Variants in EPB41L4A observed in about 807,000 individuals in gnomAD.
The protein encoded by EPB41L4A is erythrocyte membrane protein band 4.1 like 4A, also known as band 4.1-like protein 4A.
EPB41L4A carries 100 observed loss-of-function variants against 108.6 expected under a neutral mutation model. The ratio of observed to expected loss-of-function variants is 0.92; its 90% CI spans 0.78 to 1.09. EPB41L4A has a LOEUF of 1.09. Among genes scored for constraint, EPB41L4A ranks in the 50% least tolerant of loss-of-function variants. EPB41L4A has a pLI of 0.00. For synonymous variants in EPB41L4A, 319 were observed against 289.0 expected (o/e 1.10, Z -1.05); for missense variants, 1,030 against 842.7 (o/e 1.22, Z -2.75).
intron 1 of EPB41L4A, among the ~76,000 whole-genome samples, chr5:112,371,000 C>T (rs115967192): frequency 2.0e-5 from 3 of 152,198 alleles, no homozygotes; most frequent in East Asian, 3.9e-4. Flanking sequence ...ATGGAAATAA[C>T]CTCACTCATT....
At chr5:112,345,070 TATA>T (rs1178327921) in intron 1 of EPB41L4A, among the ~76,000 whole-genome samples, 10 of 152,200 alleles carry the variant, frequency 6.6e-5, no homozygotes, top group African/African-American at 2.4e-4. Context: ...ACTCACATAT[TATA>T]ATGACTTGGT....
Position 112,264,960 on chromosome 5 carries a change from G to A in EPB41L4A, c.490C>T (p.Arg164Trp), listed in dbSNP as rs761689769. 1.4e-5 allele frequency: 22 copies of A among 1,610,862 alleles called. No individual in the cohort carries two copies. Among genetic ancestry groups the A allele is most frequent in the South Asian group, 5.5e-5 (5 of 90,714 alleles). ...KHTAGYVSEY[R>W]FVPDQKEELE... ...TCTTCCTTCTGATCAGGAACAAACC[G>A]GTACTCAGATACATATCCTGCAGTA... Residue 164 changes from arginine to tryptophan, a missense_variant, in exon 6 of 23, where the codon CGG (arginine) becomes TGG (tryptophan). By Grantham distance (101) the Arg-to-Trp change is moderately radical. Transcript: ENST00000261486.
rs527940542 is a variant in EPB41L4A, at chr5:112,204,411, C to A, written c.1340G>T (p.Gly447Val). 35 of 1,613,856 alleles carry A rather than the reference C, an allele frequency of 2.2e-5. No homozygotes were observed. In the South Asian group the frequency reaches 3.2e-4, roughly 15 times the overall value. The change falls in exon 15 of 23, where the codon GGA (glycine) becomes GTA (valine). Residue 447 changes from glycine (G) to valine (V), a missense_variant. Transcript: ENST00000261486. The part of the protein sequence containing the change: ...PYTRRRNPSC[G>V]SDNDSVQPVR... ...AGGCTGTACAGAATCATTGTCACTT[C>A]CACAGGAGGGGTTTCGGCGACGCGT...
At chr5:112,201,678 A>G (rs1188972919) in intron 15 of EPB41L4A, among the ~76,000 whole-genome samples, 1 of 152,228 alleles carries the variant, frequency 6.6e-6, no homozygotes, top group Non-Finnish European at 1.5e-5. Context: ...GCCTCAACAC[A>G]CAATACACAC....
At chr5:112,404,597 G>A (rs1447260667) in intron 1 of EPB41L4A, among the ~76,000 whole-genome samples, 2 of 152,184 alleles carry the variant, frequency 1.3e-5, no homozygotes, top group African/African-American at 2.4e-5. Flanking sequence ...GCTGGAAGCA[G>A]AATCCAGATA....
At chr5:112,161,461 A>C (rs185473047), downstream of EPB41L4A, 1 of 516,606 alleles carries the variant, frequency 1.9e-6, no homozygotes, top group East Asian at 5.5e-5. Context: ...ACCTTATGCC[A>C]TAAAGCCTAC....
At chr5:112,332,418 T>C (rs1301494155) in intron 1 of EPB41L4A, among the ~76,000 whole-genome samples, 2 of 152,200 alleles carry the variant, frequency 1.3e-5, no homozygotes, top group Non-Finnish European at 2.9e-5. Context: ...CCATTAGTGG[T>C]ATTTCAGAGT....
intron 2 of EPB41L4A, among the ~76,000 whole-genome samples, chr5:112,289,146 G>C (rs1315965058): frequency 6.6e-6 from 1 of 152,216 alleles, no homozygotes; most frequent in East Asian, 1.9e-4. Flanking sequence ...ACAGTATATG[G>C]TGTAGTGATG....
In EPB41L4A at chr5:112,270,849, A is replaced by G. The variant is rs187502876; in HGVS notation, c.335+4477T>C. On this transcript the variant is annotated intron_variant, in intron 4 of 22. Coordinates refer to ENST00000261486, the MANE Select transcript of EPB41L4A (RefSeq NM_022140.5). ...ATCAATCCTCAGCAAAATGCTGTGA[A>G]ATATTATTTTAAAAGCTAAGAAAAA... is the stretch of plus-strand genomic sequence containing the variant. Among the ~76,000 whole-genome samples, 362 of 152,352 alleles carry G rather than the reference A, an allele frequency of 2.4e-3. 1 individual carries two copies. The highest frequency in any genetic ancestry group is 3.8e-3 in the Non-Finnish European group (258 of 68,030).
chr5:112,184,383 G>A (rs117112276), intron 17 of EPB41L4A, among the ~76,000 whole-genome samples: 2 of 152,144 alleles, frequency 1.3e-5, no homozygotes, highest in East Asian at 3.9e-4. Context: ...TAATTTTCTA[G>A]GAAAAAGACA....
At chr5:112,252,011 A>C (rs1311129402) in intron 9 of EPB41L4A, among the ~76,000 whole-genome samples, 1 of 152,176 alleles carries the variant, frequency 6.6e-6, no homozygotes, top group African/African-American at 2.4e-5. Context: ...AGCAATTCTG[A>C]AACTATGTGA....
rs1231889799 is a variant in EPB41L4A, at chr5:112,376,769, A to C, written c.99+42172T>G. Among the ~76,000 whole-genome samples, 3 of 152,196 alleles carry C rather than the reference A, an allele frequency of 2.0e-5. No homozygotes were observed. In the East Asian group the frequency reaches 5.8e-4, roughly 29 times the overall value. On this transcript the variant is annotated intron_variant, in intron 1 of 22. Transcript: ENST00000261486. Reference sequence around the variant, plus strand: ...GACACATGGAACCAACCGTGGAACTATGATAAGTTAAAAAGCAACCCAAAA... The same window carrying C: ...GACACATGGAACCAACCGTGGAACTCTGATAAGTTAAAAAGCAACCCAAAA...
chr5:112,378,360 T>C (rs1002310801), intron 1 of EPB41L4A, among the ~76,000 whole-genome samples: 1 of 152,190 alleles, frequency 6.6e-6, no homozygotes, highest in Non-Finnish European at 1.5e-5. Context: ...TCTCTAGCCC[T>C]GTAATCTACC....
rs540764255 is a variant in EPB41L4A, at chr5:112,216,619, C to A, written c.1088-6637G>T. On this transcript the variant is annotated intron_variant, in intron 12 of 22. Coordinates refer to ENST00000261486, the MANE Select transcript of EPB41L4A (RefSeq NM_022140.5). ...TTTCTTCCCTTAACATAAAAAAAAACTGTATAAAATGCTTAAGACAAATAA... is the reference window on the plus strand; with the variant it reads ...TTTCTTCCCTTAACATAAAAAAAAAATGTATAAAATGCTTAAGACAAATAA... Among the ~76,000 whole-genome samples, 102 of 152,186 alleles carry A rather than the reference C, an allele frequency of 6.7e-4. 1 individual carries two copies. Among genetic ancestry groups the A allele is most frequent in the African/African-American group, 1.9e-3 (80 of 41,510 alleles).
At chr5:112,266,690 A>G (rs1220320466) in intron 4 of EPB41L4A, among the ~76,000 whole-genome samples, 1 of 152,200 alleles carries the variant, frequency 6.6e-6, no homozygotes, top group African/African-American at 2.4e-5. Flanking sequence ...AATGCAAAGG[A>G]TAACTCCAAG....
chr5:112,266,417 C>G (rs1187862276), intron 4 of EPB41L4A, 87 bp from the exon 5 acceptor site: 2 of 805,478 alleles, frequency 2.5e-6, no homozygotes, highest in Non-Finnish European at 3.9e-6. Context: ...GGTTAACAAC[C>G]AATCACCTTC....
At chr5:112,181,236 G>T (rs923569850) in intron 18 of EPB41L4A, among the ~76,000 whole-genome samples, 7 of 151,908 alleles carry the variant, frequency 4.6e-5, no homozygotes, top group Non-Finnish European at 1.0e-4. Flanking sequence ...CGGATCACGA[G>T]GTCAGGAGAT....
At chr5:112,240,221 G>A (rs1749668740) in intron 10 of EPB41L4A, among the ~76,000 whole-genome samples, 1 of 152,112 alleles carries the variant, frequency 6.6e-6, no homozygotes, top group Admixed American at 6.6e-5. Flanking sequence ...CTCAGTCCTT[G>A]GAGTTCTGCT....
intron 1 of EPB41L4A, among the ~76,000 whole-genome samples, chr5:112,386,927 C>T (rs1760578021): frequency 6.6e-6 from 1 of 152,206 alleles, no homozygotes; most frequent in African/African-American, 2.4e-5. Context: ...TCCCCACTCC[C>T]ACCGACCTCA....
Sources: allele counts gnomAD v4.1 joint callset (sites outside exome capture counted in the v4.1 genomes callset), GRCh38; gene constraint gnomAD v4.1.1; transcripts MANE v1.5; gene names NCBI Gene and HGNC (gene_info 2026-07-23, HGNC 2026-07-21).